Variants in FXYD6 observed in about 807,000 individuals in gnomAD.
FXYD6 encodes FXYD domain-containing ion transport regulator 6.
A neutral mutation model predicts 16.7 loss-of-function variants in FXYD6; 7 were observed. The observed-to-expected ratio is 0.42, with a 90% confidence interval of 0.24 to 0.79. The LOEUF (loss-of-function observed/expected upper bound fraction) is 0.79, where lower values mean the gene tolerates loss of function less well. Among genes scored for constraint, FXYD6 ranks in the 30% least tolerant of loss-of-function variants. The pLI is 0.28. For missense variants in FXYD6, 111 were observed against 116.2 expected (o/e 0.95, Z 0.21); for synonymous variants, 49 against 43.0 (o/e 1.14, Z -0.54).
chr11:117,847,470 C>A (rs1473985527), intron 1 of FXYD6, among the ~76,000 whole-genome samples: 1 of 151,352 alleles, frequency 6.6e-6, no homozygotes, highest in African/African-American at 2.4e-5. Flanking sequence ...CCCATTAACT[C>A]GTCATTTAAC....
intron 1 of FXYD6, among the ~76,000 whole-genome samples, chr11:117,868,511 C>T (rs1261900137): frequency 6.6e-6 from 1 of 152,094 alleles, no homozygotes; most frequent in African/African-American, 2.4e-5. Context: ...CTGTCAAAGT[C>T]CTGGGAAGCC....
In FXYD6 at chr11:117,876,050, C is replaced by A. The variant is rs559447000; in HGVS notation, c.-6+542G>T. 3.3e-5 allele frequency among the ~76,000 whole-genome samples: 5 copies of A among 152,240 alleles called. No individual in the cohort carries two copies. The South Asian group carries it at 8.3e-4, about 25-fold the overall frequency. Reference sequence around the variant, plus strand: ...TGATGCACTCTCATGAATCCCCGAGCGCTAGAATCCTTCTTTCCCTGCGCC... The same window carrying A: ...TGATGCACTCTCATGAATCCCCGAGAGCTAGAATCCTTCTTTCCCTGCGCC... On this transcript the variant is annotated intron_variant, in intron 1 of 7. Transcript: ENST00000526014.
rs146264681 is a variant in FXYD6 at position 117,855,941 on chromosome 11, C to T, written c.-5-13160G>A. Among the ~76,000 whole-genome samples the T allele has an allele frequency of 8.3e-4, 126 of 152,354 alleles. 2 individuals carry two copies. In the East Asian group the frequency reaches 0.023, roughly 27 times the overall value. ...CATCTGGAGAATGGAACCAATCACA[C>T]GTTGCTGCCTCCTCTAGGGTGTATT... On this transcript the variant is annotated intron_variant, in intron 1 of 7. Coordinates refer to ENST00000526014, the MANE Select transcript of FXYD6 (RefSeq NM_022003.4).
In FXYD6 at chr11:117,842,799, A is replaced by G. The variant is rs936854420; in HGVS notation, c.-5-18T>C. On this transcript the variant is annotated intron_variant, in intron 1 of 7. Coordinates refer to ENST00000526014, the MANE Select transcript of FXYD6 (RefSeq NM_022003.4). ...CATGGCGTCTGGGGACAGAGGGAGGAAAAAATGATTCTCTGGCTAAGAAGC... is the reference window on the plus strand; with the variant it reads ...CATGGCGTCTGGGGACAGAGGGAGGGAAAAATGATTCTCTGGCTAAGAAGC... The G allele has an allele frequency of 5.1e-6, 8 of 1,554,246 alleles. No homozygotes were observed. The highest frequency in any genetic ancestry group is 1.4e-5 in the African/African-American group (1 of 73,192).
At chr11:117,855,542 C>T (rs2056705385) in intron 1 of FXYD6, among the ~76,000 whole-genome samples, 1 of 152,150 alleles carries the variant, frequency 6.6e-6, no homozygotes, top group Admixed American at 6.5e-5. Context: ...TCCCAGTGAC[C>T]ACACATTCCT....
intron 1 of FXYD6, among the ~76,000 whole-genome samples, chr11:117,875,623 C>G (rs2057242125): frequency 6.6e-6 from 1 of 152,186 alleles, no homozygotes; most frequent in Non-Finnish European, 1.5e-5. Context: ...CCCACTGATC[C>G]ATCTTCAAAG....
At chr11:117,850,675 T>C (rs1349678956) in intron 1 of FXYD6, among the ~76,000 whole-genome samples, 1 of 152,154 alleles carries the variant, frequency 6.6e-6, no homozygotes, top group Non-Finnish European at 1.5e-5. Context: ...TTTTATTTTT[T>C]TGGGGGGCGG....
chr11:117,847,285 T>C (rs2056492182), intron 1 of FXYD6, among the ~76,000 whole-genome samples: 1 of 152,208 alleles, frequency 6.6e-6, no homozygotes, highest in South Asian at 2.1e-4. Flanking sequence ...TCTGTAGATA[T>C]ATCATCTTCA....
At chr11:117,846,275 C>T (rs1222154331) in intron 1 of FXYD6, among the ~76,000 whole-genome samples, 1 of 152,182 alleles carries the variant, frequency 6.6e-6, no homozygotes, top group East Asian at 1.9e-4. Flanking sequence ...AGTGAGTTGA[C>T]ATTATTATTG....
Position 117,857,410 on chromosome 11 carries a change from A to ATTTTT in FXYD6, c.-5-14634_-5-14630dup, listed in dbSNP as rs66790457. Among the ~76,000 whole-genome samples the ATTTTT allele has an allele frequency of 1.2e-4, 16 of 138,424 alleles. 1 individual carries two copies. The highest frequency in any genetic ancestry group is 8.5e-4 in the East Asian group (4 of 4,700). The allele number at this position is 138,424 out of a possible 152,430, so 90.8% of individuals were successfully genotyped here. On this transcript the variant is annotated intron_variant, in intron 1 of 7. Transcript: ENST00000526014. ...GTCAGATGTATTGGGAAAGAAGTGGATTTTTTTTTTTTTTTTTGAGAAGGA... is the reference window on the plus strand; with the variant it reads ...GTCAGATGTATTGGGAAAGAAGTGGATTTTTTTTTTTTTTTTTTTTTTGAGAAGGA...
chr11:117,872,909 G>T lies in FXYD6; in HGVS notation c.-6+3683C>A, dbSNP rs1048794891. ...TGTCAGAGCACTGTGTTCCCGACCG[G>T]CCCCTCTCGTTGCAACTCTCCAGCT... On this transcript the variant is annotated intron_variant, in intron 1 of 7. Transcript: ENST00000526014. This position sits in a 1 kb window ranked among gnomAD's most constrained non-coding sequence, Gnocchi z 4.9. 6.6e-6 allele frequency among the ~76,000 whole-genome samples: 1 copy of T among 152,174 alleles called. No individual in the cohort carries two copies. Among genetic ancestry groups the T allele is most frequent in the Non-Finnish European group, 1.5e-5 (1 of 68,038 alleles).
At chr11:117,844,267 C>T (rs1222397695) in intron 1 of FXYD6, 1 of 152,326 alleles carries the variant, frequency 6.6e-6, no homozygotes, top group Non-Finnish European at 1.5e-5. Context: ...TCTCATTTCA[C>T]ACTTGTATTT....
intron 2 of FXYD6, chr11:117,842,282 C>T (rs1328859719): frequency 3.4e-6 from 2 of 594,174 alleles, no homozygotes; most frequent in South Asian, 4.1e-5. Context: ...CATTCATTGC[C>T]CCTTTGTATT....
At chr11:117,858,940 TAA>T (rs1324985846) in intron 1 of FXYD6, among the ~76,000 whole-genome samples, 1 of 151,796 alleles carries the variant, frequency 6.6e-6, no homozygotes. Flanking sequence ...CACACCCAGC[TAA>T]GTTTTGTATT....
chr11:117,849,118 G>T (rs536200047), intron 1 of FXYD6, among the ~76,000 whole-genome samples: 1 of 152,168 alleles, frequency 6.6e-6, no homozygotes, highest in African/African-American at 2.4e-5. Context: ...TGCTTTTAAA[G>T]TATAATACTA....
intron 1 of FXYD6, among the ~76,000 whole-genome samples, chr11:117,858,777 C>CTTCTTTCT (rs1555046998): frequency 1.3e-5 from 1 of 75,394 alleles, no homozygotes; most frequent in East Asian, 4.0e-4. Flanking sequence ...TCCTTCCTTC[C>CTTCTTTCT]TTCTTTCTTT....
intron 1 of FXYD6, among the ~76,000 whole-genome samples, chr11:117,865,374 A>C (rs1051803555): frequency 1.3e-5 from 2 of 152,208 alleles, no homozygotes; most frequent in Non-Finnish European, 2.9e-5. Flanking sequence ...TATATACCCA[A>C]AAGAATTGGA....
intron 1 of FXYD6, among the ~76,000 whole-genome samples, chr11:117,868,570 G>T (rs931857483): frequency 3.3e-5 from 5 of 152,138 alleles, no homozygotes; most frequent in South Asian, 2.1e-4. Context: ...CGACTCAATG[G>T]AGTGTGGTAT....
chr11:117,852,319 GC>G (rs1210850514), intron 1 of FXYD6, among the ~76,000 whole-genome samples: 1 of 152,236 alleles, frequency 6.6e-6, no homozygotes, highest in Middle Eastern at 3.2e-3. Context: ...AACATGTGTT[GC>G]TTTAAGCTGC....
Sources: gnomAD v4.1 joint callset for allele counts (sites outside exome capture counted in the v4.1 genomes callset) on GRCh38, gnomAD v4.1.1 for gene constraint, Gnocchi (gnomAD v3.1) non-coding constraint, MANE v1.5 for transcripts, NCBI Gene and HGNC (gene_info 2026-07-23, HGNC 2026-07-21) for gene names.